TRABD2B: variants seen among roughly 807,000 people sequenced by gnomAD.
TRABD2B encodes TraB domain containing 2B.
In TRABD2B, 14 loss-of-function variants were observed where a neutral mutation model predicts 40.1. That is an observed-to-expected ratio of 0.35 (90% CI 0.23 to 0.55). The LOEUF (loss-of-function observed/expected upper bound fraction) is 0.55. Among genes scored for constraint, TRABD2B ranks in the 20% least tolerant of loss-of-function variants. The pLI is 0.90. For missense variants in TRABD2B, 541 were observed against 648.6 expected (o/e 0.83, Z 1.80); for synonymous variants, 263 against 277.0 (o/e 0.95, Z 0.50).
In TRABD2B at chr1:47,840,527, A is replaced by G. The variant is rs542339509; in HGVS notation, c.667-38908T>C. Among the ~76,000 whole-genome samples, 50 of 152,316 alleles carry G rather than the reference A, an allele frequency of 3.3e-4. No individual in the cohort carries two copies. In the South Asian group the frequency reaches 0.01, roughly 32 times the overall value. ...GTCCACAGCATTCTTTAGAGCACTC[A>G]TGTTGGCAACAGAGTTTGGCAGACC... On this transcript the variant is annotated intron_variant, in intron 2 of 6. Coordinates refer to ENST00000606738, the MANE Select transcript of TRABD2B (RefSeq NM_001194986.2).
chr1:47,786,248 A>G (rs1644593600), intron 4 of TRABD2B, among the ~76,000 whole-genome samples: 1 of 152,102 alleles, frequency 6.6e-6, no homozygotes, highest in Non-Finnish European at 1.5e-5. Flanking sequence ...TCTGGGTCCA[A>G]GCCCATGCTT....
intron 2 of TRABD2B, among the ~76,000 whole-genome samples, chr1:47,962,516 A>C (rs1394182182): frequency 6.6e-6 from 1 of 152,166 alleles, no homozygotes; most frequent in African/African-American, 2.4e-5. Context: ...TCAGATCCTG[A>C]TACCTGCCCC....
At chr1:47,776,018 G>C (rs1644442417) in intron 5 of TRABD2B, among the ~76,000 whole-genome samples, 1 of 152,004 alleles carries the variant, frequency 6.6e-6, no homozygotes, top group Non-Finnish European at 1.5e-5. Context: ...ACCTCACTGT[G>C]CCTCAGTCTC....
intron 2 of TRABD2B, among the ~76,000 whole-genome samples, chr1:47,842,271 C>T (rs1556982): frequency 0.96 from 146,295 of 152,268 alleles, 70,564 homozygotes; most frequent in East Asian, 1. Flanking sequence ...AGGCTGCCCA[C>T]GGTTGGAGGC....
At chr1:47,922,346 GC>G (rs1331712155) in intron 2 of TRABD2B, among the ~76,000 whole-genome samples, 21 of 152,220 alleles carry the variant, frequency 1.4e-4, no homozygotes, top group African/African-American at 5.1e-4. Flanking sequence ...CAGGGTCAGG[GC>G]CTGGTCAGAG....
rs957089693 is a variant in TRABD2B at position 47,846,618 on chromosome 1, G to T, written c.667-44999C>A. On this transcript the variant is annotated intron_variant, in intron 2 of 6. Coordinates refer to ENST00000606738, the MANE Select transcript of TRABD2B (RefSeq NM_001194986.2). ...ACATAGAGGCCAGGTCTCAGGGAAG[G>T]CAAGGCATCTGGTCAATTCAGGGAA... Among the ~76,000 whole-genome samples the T allele has an allele frequency of 5.9e-5, 9 of 152,270 alleles. No homozygotes were observed. In the South Asian group the frequency reaches 1.0e-3, roughly 18 times the overall value.
rs550123024 is a variant in TRABD2B, at chr1:47,962,041, T to G, written c.666+31993A>C. ...TGGAATACTATGCAGCCATAAAAAA[T>G]GATGAGTTCATGTCCTTTGTAGGGA... is the stretch of plus-strand genomic sequence containing the variant. On this transcript the variant is annotated intron_variant, in intron 2 of 6. Coordinates refer to ENST00000606738, the MANE Select transcript of TRABD2B (RefSeq NM_001194986.2). Among the ~76,000 whole-genome samples, 96 of 152,050 alleles carry G rather than the reference T, an allele frequency of 6.3e-4. 1 individual carries two copies. Among genetic ancestry groups the G allele is most frequent in the African/African-American group, 2.1e-3 (88 of 41,470 alleles).
chr1:47,928,960 C>T (rs192730602), intron 2 of TRABD2B, among the ~76,000 whole-genome samples: 3 of 152,364 alleles, frequency 2.0e-5, no homozygotes, highest in South Asian at 2.1e-4. Context: ...AGACTATCTA[C>T]CTCTCAGCCT....
At chr1:47,967,180 C>T (rs1245191828) in intron 2 of TRABD2B, among the ~76,000 whole-genome samples, 1 of 152,112 alleles carries the variant, frequency 6.6e-6, no homozygotes, top group Non-Finnish European at 1.5e-5. Flanking sequence ...GTTCTTCCTA[C>T]TGAGCTGAAA....
chr1:47,851,979 C>T lies in TRABD2B; in HGVS notation c.667-50360G>A, dbSNP rs1349010890. ...TGTGATTCACAAAGTAGGCTCTTGA[C>T]AAATGTCTATGAAATGACAAAAGGG... On this transcript the variant is annotated intron_variant, in intron 2 of 6. Coordinates refer to ENST00000606738, the MANE Select transcript of TRABD2B (RefSeq NM_001194986.2). 3.9e-5 allele frequency among the ~76,000 whole-genome samples: 6 copies of T among 152,126 alleles called. No individual in the cohort carries two copies. In the East Asian group the frequency reaches 1.2e-3, roughly 29 times the overall value.
intron 2 of TRABD2B, among the ~76,000 whole-genome samples, chr1:47,808,033 CT>C (rs1199376801): frequency 6.6e-6 from 1 of 152,176 alleles, no homozygotes; most frequent in Non-Finnish European, 1.5e-5. Context: ...TTAGATGCTT[CT>C]GTGAAGGTAC....
At chr1:47,894,124 G>C (rs948987872) in intron 2 of TRABD2B, among the ~76,000 whole-genome samples, 10 of 152,104 alleles carry the variant, frequency 6.6e-5, no homozygotes, top group Non-Finnish European at 1.5e-4. Context: ...CTGTATGCTG[G>C]GGATACAGTG....
intron 4 of TRABD2B, among the ~76,000 whole-genome samples, chr1:47,789,209 T>C (rs1263446289): frequency 1.3e-5 from 2 of 152,116 alleles, no homozygotes; most frequent in African/African-American, 4.8e-5. Flanking sequence ...GGTGCTAGGA[T>C]AAAATCAGCA....
intron 2 of TRABD2B, among the ~76,000 whole-genome samples, chr1:47,926,133 T>C (rs1306906946): frequency 1.3e-5 from 2 of 152,216 alleles, no homozygotes; most frequent in Non-Finnish European, 2.9e-5. Flanking sequence ...ATTCTTATAA[T>C]TCGTTTTTGA....
chr1:47,976,933 T>A (rs1351111839), intron 2 of TRABD2B, among the ~76,000 whole-genome samples: 3 of 152,168 alleles, frequency 2.0e-5, no homozygotes, highest in Non-Finnish European at 4.4e-5. Context: ...ATAACTATAG[T>A]ACAATATCAA....
intron 4 of TRABD2B, among the ~76,000 whole-genome samples, chr1:47,786,285 C>T (rs1409814461): frequency 1.3e-5 from 2 of 152,224 alleles, no homozygotes; most frequent in Admixed American, 6.5e-5. Context: ...TCTCTTCTTG[C>T]CTTTCTCACA....
chr1:47,907,582 C>G (rs1306123925), intron 2 of TRABD2B, among the ~76,000 whole-genome samples: 1 of 152,092 alleles, frequency 6.6e-6, no homozygotes, highest in African/African-American at 2.4e-5. Flanking sequence ...GTTTGTATGA[C>G]TTTTGGGCCT....
chr1:47,968,788 G>A (rs1645639400), intron 2 of TRABD2B, among the ~76,000 whole-genome samples: 1 of 152,134 alleles, frequency 6.6e-6, no homozygotes, highest in Non-Finnish European at 1.5e-5. Flanking sequence ...TTATTTACTT[G>A]TTATGTTTAT....
intron 6 of TRABD2B, among the ~76,000 whole-genome samples, chr1:47,769,326 C>T (rs544569734): frequency 3.9e-5 from 6 of 152,280 alleles, no homozygotes; most frequent in African/African-American, 9.6e-5. Flanking sequence ...TTGAGGTGCC[C>T]GGAGCTGGGG....
Sources: allele counts gnomAD v4.1 joint callset (sites outside exome capture counted in the v4.1 genomes callset), GRCh38; gene constraint gnomAD v4.1.1; transcripts MANE v1.5; gene names NCBI Gene and HGNC (gene_info 2026-07-23, HGNC 2026-07-21).